The following FAM178B variants were observed in gnomAD, a reference collection of about 807,000 sequenced individuals.
The protein encoded by FAM178B is protein FAM178B.
FAM178B carries 82 observed loss-of-function variants against 91.7 expected under a neutral mutation model. That is an observed-to-expected ratio of 0.89 (90% CI 0.75 to 1.07). The LOEUF is 1.07. Ranked by LOEUF, FAM178B falls within the 50% of genes least tolerant of loss-of-function variation. The probability of loss-of-function intolerance (pLI) is 0.00; values close to 1 mark genes in which losing one functional copy is unlikely to be tolerated. For missense variants in FAM178B, 769 were observed against 846.7 expected, an observed-to-expected ratio of 0.91 and a Z score of 1.14; for synonymous variants, 368 against 359.4, an observed-to-expected ratio of 1.02 and a Z score of -0.27.
chr2:96,903,018 C>T lies in FAM178B; in HGVS notation c.1563-311G>A, dbSNP rs190602439. Among the ~76,000 whole-genome samples, 233 of 152,012 alleles carry T rather than the reference C, an allele frequency of 1.5e-3. 1 individual carries two copies. Among genetic ancestry groups the T allele is most frequent in the Non-Finnish European group, 1.8e-4 (12 of 68,018 alleles). ...CATATCCATGGATCCATAGAGGCAGCAGCACTGAACTGCTTATTTTATTTT... is the reference window on the plus strand; with the variant it reads ...CATATCCATGGATCCATAGAGGCAGTAGCACTGAACTGCTTATTTTATTTT... On this transcript the variant is annotated intron_variant, in intron 12 of 16. Coordinates refer to ENST00000490605, the MANE Select transcript of FAM178B (RefSeq NM_001122646.3).
chr2:96,913,979 A>G (rs2081200992), intron 12 of FAM178B, among the ~76,000 whole-genome samples: 2 of 152,228 alleles, frequency 1.3e-5, no homozygotes, highest in Admixed American at 1.3e-4. Context: ...GCAAACCTCA[A>G]TGTATTTCCA....
At chr2:96,888,571 G>A (rs1286029517) in intron 14 of FAM178B, among the ~76,000 whole-genome samples, 2 of 152,188 alleles carry the variant, frequency 1.3e-5, no homozygotes. Context: ...GCCCTGCAGT[G>A]AGAGCCAGGC....
At chr2:96,946,705 T>C (rs1452245457) in intron 8 of FAM178B, among the ~76,000 whole-genome samples, 2 of 152,224 alleles carry the variant, frequency 1.3e-5, no homozygotes, top group Non-Finnish European at 2.9e-5. Flanking sequence ...CACATACCAC[T>C]GCAGGGAGCA....
chr2:96,937,984 T>C (rs2081661552), intron 8 of FAM178B, among the ~76,000 whole-genome samples: 1 of 152,150 alleles, frequency 6.6e-6, no homozygotes, highest in African/African-American at 2.4e-5. Context: ...CAGTGAGCCC[T>C]GATGCCACCA....
intron 9 of FAM178B, among the ~76,000 whole-genome samples, chr2:96,928,532 C>T (rs1181424176): frequency 6.6e-6 from 1 of 152,170 alleles, no homozygotes; most frequent in East Asian, 1.9e-4. Context: ...AACATAAAAG[C>T]ATGCCCTGCT....
At chr2:96,899,755 A>ATAATTACAAATTACAAATT (rs1462387282) in intron 13 of FAM178B, among the ~76,000 whole-genome samples, 1 of 151,932 alleles carries the variant, frequency 6.6e-6, no homozygotes, top group Non-Finnish European at 1.5e-5. Context: ...CTTTTTGTAA[A>ATAATTACAAATTACAAATT]GAACTCCAGG....
At chr2:96,940,712 G>A (rs2081714811) in intron 8 of FAM178B, among the ~76,000 whole-genome samples, 1 of 152,102 alleles carries the variant, frequency 6.6e-6, no homozygotes, top group African/African-American at 2.4e-5. Flanking sequence ...GGGGGCCATG[G>A]AATATATTCA....
chr2:96,917,518 T>C (rs937683887), intron 12 of FAM178B, among the ~76,000 whole-genome samples: 1 of 152,072 alleles, frequency 6.6e-6, no homozygotes, highest in Non-Finnish European at 1.5e-5. Context: ...AAACTTAGGA[T>C]ATGGAGAAGG....
chr2:96,910,487 T>A (rs1169496883), intron 12 of FAM178B, among the ~76,000 whole-genome samples: 1 of 152,244 alleles, frequency 6.6e-6, no homozygotes, highest in African/African-American at 2.4e-5. Context: ...TGTAGTGTTG[T>A]TCCGTCTGCA....
At chr2:96,984,589 A>T (rs1322954324) in intron 1 of FAM178B, among the ~76,000 whole-genome samples, 1 of 152,090 alleles carries the variant, frequency 6.6e-6, no homozygotes, top group Admixed American at 6.5e-5. Flanking sequence ...TGGGCAGCTG[A>T]CTCTAGCTGC....
chr2:96,943,928 C>A (rs1226024511), intron 8 of FAM178B, among the ~76,000 whole-genome samples: 1 of 152,172 alleles, frequency 6.6e-6, no homozygotes, highest in East Asian at 1.9e-4. Flanking sequence ...AGTTAGTTAC[C>A]AACAGGACAT....
intron 9 of FAM178B, among the ~76,000 whole-genome samples, chr2:96,927,268 C>G (rs1319951440): frequency 6.6e-6 from 1 of 152,214 alleles, no homozygotes; most frequent in Non-Finnish European, 1.5e-5. Context: ...TGGGGAGGGG[C>G]TCCAGGCAGG....
chr2:96,909,142 CAA>C (rs368745154), intron 12 of FAM178B, among the ~76,000 whole-genome samples: 18 of 77,394 alleles, frequency 2.3e-4, no homozygotes, highest in African/African-American at 1.9e-4. Flanking sequence ...GACTCTGTCT[CAA>C]AAAAAAAAAA....
At chr2:96,896,871 CCTAT>C (rs906550354) in intron 13 of FAM178B, among the ~76,000 whole-genome samples, 6 of 152,138 alleles carry the variant, frequency 3.9e-5, no homozygotes, top group African/African-American at 1.2e-4. Flanking sequence ...CATCTGTCTG[CCTAT>C]CTATCTATCT....
At chr2:96,930,883 C>T (rs987372599) in intron 8 of FAM178B, among the ~76,000 whole-genome samples, 1 of 152,202 alleles carries the variant, frequency 6.6e-6, no homozygotes, top group African/African-American at 2.4e-5. Context: ...TTTTACCCTT[C>T]TGCCACATAA....
At chr2:96,934,166 G>A (rs2081587957) in intron 8 of FAM178B, among the ~76,000 whole-genome samples, 1 of 152,146 alleles carries the variant, frequency 6.6e-6, no homozygotes, top group Admixed American at 6.5e-5. Context: ...GTTGGGTGGG[G>A]GACACACAAC....
chr2:96,884,476 G>A (rs965814568), intron 14 of FAM178B, among the ~76,000 whole-genome samples: 3 of 152,232 alleles, frequency 2.0e-5, no homozygotes, highest in African/African-American at 7.2e-5. Flanking sequence ...CCCGGGGCAC[G>A]GTCTAGGTAT....
intron 14 of FAM178B, among the ~76,000 whole-genome samples, chr2:96,889,723 C>CAAACA (rs1553493734): frequency 3.7e-5 from 5 of 135,804 alleles, no homozygotes; most frequent in African/African-American, 1.4e-4. Context: ...TAAATAAATA[C>CAAACA]AAAAAAAAAT....
intron 12 of FAM178B, among the ~76,000 whole-genome samples, chr2:96,906,984 G>C (rs1177694593): frequency 6.6e-6 from 1 of 152,210 alleles, no homozygotes; most frequent in East Asian, 1.9e-4. Flanking sequence ...GGGGTGAGGG[G>C]AGCAGGCAGG....
Sources: gnomAD v4.1 joint callset for allele counts (sites outside exome capture counted in the v4.1 genomes callset) on GRCh38, gnomAD v4.1.1 for gene constraint, MANE v1.5 for transcripts, NCBI Gene and HGNC (gene_info 2026-07-23, HGNC 2026-07-21) for gene names.